Variants in PKD1 observed in about 807,000 individuals in gnomAD.
PKD1 encodes the protein polycystin 1, transient receptor potential channel interacting.
PKD1 carries 81 observed loss-of-function variants against 361.7 expected under a neutral mutation model. That is an observed-to-expected ratio of 0.22 (90% CI 0.19 to 0.27). The LOEUF (loss-of-function observed/expected upper bound fraction) is 0.27, where lower values mean the gene tolerates loss of function less well. PKD1 is among the 10% of genes least tolerant of loss of function. PKD1 has a pLI of 1.00. For missense variants in PKD1, 6,399 were observed against 6,118.3 expected, an observed-to-expected ratio of 1.05 and a Z score of -1.53; for synonymous variants, 3,615 against 2,818.3, an observed-to-expected ratio of 1.28 and a Z score of -8.95.
chr16:2,128,838 G>A (rs1268738173), intron 1 of PKD1, among the ~76,000 whole-genome samples: 1 of 152,076 alleles, frequency 6.6e-6, no homozygotes, highest in Non-Finnish European at 1.5e-5. Context: ...CAAAGTAGCT[G>A]AGACTACAGG....
chr16:2,119,233 T>C, intron 2 of PKD1, 48 bp from the exon 3 acceptor site: 2 of 1,446,666 alleles, frequency 1.4e-6, no homozygotes, highest in Non-Finnish European at 1.9e-6. Context: ...CCCCCACAGC[T>C]GAGCAGCAAG....
rs778176818 is a variant in PKD1 at position 2,100,612 on chromosome 16, C to A, written c.9398-46G>T. 1.3e-6 allele frequency: 2 copies of A among 1,526,264 alleles called. No homozygotes were observed. The highest frequency in any genetic ancestry group is 2.3e-5 in the East Asian group (1 of 44,388). The allele number at this position is 1,526,264 out of a possible 1,614,324, so 94.5% of individuals were successfully genotyped here. A position where few individuals can be genotyped will look rare whatever the true frequency, so the allele number is the denominator to read the frequency against. On this transcript the variant is annotated intron_variant, in intron 26 of 45. Coordinates refer to ENST00000262304, the MANE Select transcript of PKD1 (RefSeq NM_001009944.3). The surrounding 1 kb of genome is among the most constrained non-coding windows in gnomAD (Gnocchi z 4.4). Reference sequence around the variant, plus strand: ...GTGGGAGGCTCGGTCTGCTGCCCAACACGTGTGGCATCCCAGGCAAGTCAT... The same window carrying A: ...GTGGGAGGCTCGGTCTGCTGCCCAAAACGTGTGGCATCCCAGGCAAGTCAT...
chr16:2,115,241 C>T (rs896763581), intron 10 of PKD1, 137 bp downstream of exon 10: 24 of 1,074,142 alleles, frequency 2.2e-5, no homozygotes, highest in African/African-American at 1.4e-4. Flanking sequence ...CTGCAGAGGT[C>T]GGAGGTCAGA....
chr16:2,115,651 C>T, intron 9 of PKD1, 26 bp from the exon 10 acceptor site: 2 of 1,592,424 alleles, frequency 1.3e-6, no homozygotes, highest in South Asian at 1.1e-5. Flanking sequence ...GGTGTTGGGG[C>T]CCTGATTTGC....
chr16:2,132,490 G>A (rs1479747403), intron 1 of PKD1, among the ~76,000 whole-genome samples: 1 of 145,794 alleles, frequency 6.9e-6, no homozygotes, highest in Non-Finnish European at 1.5e-5. Flanking sequence ...CAGGAGAATC[G>A]CTTGAACCAG....
intron 1 of PKD1, among the ~76,000 whole-genome samples, chr16:2,126,657 T>C (rs570425864): frequency 3.9e-4 from 60 of 152,226 alleles, no homozygotes; most frequent in African/African-American, 1.3e-3. Flanking sequence ...GGCAGCAGAG[T>C]GCAGGCCAGG....
rs1163036590 is a variant in PKD1, at chr16:2,110,188, G to A, written c.4979C>T (p.Thr1660Ile). ...GGCAGTCCAGCTGTAGGAGACGTTG[G>A]TGCCATCCCTAACCACGGCCTGCAG... The part of the protein sequence containing the change: ...VQLQAVVRDG[T>I]NVSYSWTAWR... Residue 1660 changes from threonine to isoleucine, a missense_variant, in exon 15 of 46, where the codon ACC becomes ATC. Transcript: ENST00000262304. 4.3e-6 allele frequency: 7 copies of A among 1,611,328 alleles called. No homozygotes were observed. The Admixed American group carries it at 8.3e-5, about 19-fold the overall frequency.
chr16:2,106,147 C>T lies in PKD1; in HGVS notation c.7647G>A (p.Val2549=). 1 of 1,607,026 alleles carries T rather than the reference C, an allele frequency of 6.2e-7. No individual in the cohort carries two copies. Among genetic ancestry groups the T allele is most frequent in the Non-Finnish European group, 8.5e-7 (1 of 1,178,010 alleles). The change falls in exon 19 of 46, where the codon GTG becomes GTA. Residue 2549 remains valine, a synonymous_variant. Transcript: ENST00000262304. The surrounding 1 kb of genome is among the most constrained non-coding windows in gnomAD (Gnocchi z 6.5). The stretch of plus-strand genomic sequence containing the variant: ...GGTCCTGCACCACCACGGCCAGGCC[C>T]ACCTCGAAGTGTGGCCTGAAACCCG... The part of the protein sequence containing the change: ...LPPGFRPHFE[V]GLAVVVQDQL...
Position 2,114,944 on chromosome 16 carries a change from G to A in PKD1, c.2098-19C>T. 1 of 1,527,820 alleles carries A rather than the reference G, an allele frequency of 6.5e-7. No homozygotes were observed. Among genetic ancestry groups the A allele is most frequent in the East Asian group, 2.4e-5 (1 of 41,118 alleles). 94.6% of individuals were successfully genotyped at this position (1,527,820 alleles called of 1,614,324 possible). ...GGGTGACCTGTGGAGAGGGAGGCAG[G>A]GCTGCATCACGTCCTCACGGTCATG... On this transcript the variant is annotated intron_variant, in intron 10 of 45. Coordinates refer to ENST00000262304, the MANE Select transcript of PKD1 (RefSeq NM_001009944.3).
chr16:2,106,375 C>T lies in PKD1; in HGVS notation c.7489+23G>A. Reference sequence around the variant, plus strand: ...ACAGAGTCGGGGGATCCCGCTGCTCCCCCCACGCAGGCCTGCACTCACCCG... The same window carrying T: ...ACAGAGTCGGGGGATCCCGCTGCTCTCCCCACGCAGGCCTGCACTCACCCG... On this transcript the variant is annotated intron_variant, in intron 18 of 45. Coordinates refer to ENST00000262304, the MANE Select transcript of PKD1 (RefSeq NM_001009944.3). The surrounding 1 kb of genome is among the most constrained non-coding windows in gnomAD (Gnocchi z 6.5). 1.9e-6 allele frequency: 3 copies of T among 1,594,872 alleles called. No homozygotes were observed. Among genetic ancestry groups the T allele is most frequent in the Non-Finnish European group, 2.6e-6 (3 of 1,172,234 alleles).
intron 34 of PKD1, among the ~76,000 whole-genome samples, chr16:2,096,321 A>C (rs2091844660): frequency 6.6e-6 from 1 of 152,268 alleles, no homozygotes; most frequent in Non-Finnish European, 1.5e-5. Flanking sequence ...GCTGCAGTGC[A>C]ACGGCAGGGC....
chr16:2,097,046 GCACCC>G (rs1226441875), intron 34 of PKD1, 97 bp downstream of exon 34: 2 of 754,820 alleles, frequency 2.6e-6, no homozygotes, highest in East Asian at 2.7e-5. Context: ...CCCTGCCCTG[GCACCC>G]CACCCCACCC....
Position 2,102,861 on chromosome 16 carries a change from T to G in PKD1, c.8901A>C (p.Ser2967=), listed in dbSNP as rs1063400. ...CSASRRIRPE[S]LQGADHRPYT... ...AGGGCCGGTGGTCAGCACCCTGGAG[T>G]GACTCTGGGCGGATCCTCCTGCTAG... Residue 2967 remains serine (S), a synonymous_variant, in exon 24 of 46, where the codon TCA becomes TCC. Coordinates refer to ENST00000262304, the MANE Select transcript of PKD1 (RefSeq NM_001009944.3). The G allele has an allele frequency of 1.0e-5, 16 of 1,548,274 alleles. No individual in the cohort carries two copies. The East Asian group carries it at 1.6e-4, about 16-fold the overall frequency.
chr16:2,120,617 G>A (rs1182758291), intron 1 of PKD1, among the ~76,000 whole-genome samples: 1 of 152,188 alleles, frequency 6.6e-6, no homozygotes, highest in Non-Finnish European at 1.5e-5. Flanking sequence ...AGGAAGGATC[G>A]CTTGAGCCAG....
chr16:2,112,959 G>A lies in PKD1; in HGVS notation c.2990C>T (p.Thr997Met), dbSNP rs1329454021. ...GACGTTGCTCACGTGGTTGGAGGCC[G>A]TCAGCTGCAGGGACAGGCGTCAGTG... The part of the protein sequence containing the change: ...QSAAVFKLSL[T>M]ASNHVSNVTV... Residue 997 changes from threonine (T) to methionine (M), a missense_variant, in exon 13 of 46, where the codon ACG becomes ATG. Transcript: ENST00000262304. The A allele has an allele frequency of 5.6e-6, 9 of 1,599,034 alleles. No individual in the cohort carries two copies. Among genetic ancestry groups the A allele is most frequent in the South Asian group, 2.2e-5 (2 of 90,990 alleles).
chr16:2,102,991 C>G, intron 23 of PKD1, 21 bp from the exon 24 acceptor site: 1 of 1,599,844 alleles, frequency 6.3e-7, no homozygotes, highest in Non-Finnish European at 8.5e-7. Flanking sequence ...ACGCGCAGGT[C>G]ACACGCCTGC....
chr16:2,089,873 C>T lies in PKD1; in HGVS notation c.12766G>A (p.Ala4256Thr), dbSNP rs376769777. 1.7e-5 allele frequency: 27 copies of T among 1,609,326 alleles called. No individual in the cohort carries two copies. In the African/African-American group the frequency reaches 2.0e-4, roughly 12 times the overall value. ...LQGRRSSRAP[A>T]GSSRGPSPGL... ...GGGGATGGGCCACGGGAAGATCCGG[C>T]GGGCGCCCGGCTGCTCCTGCGGCCT... The change falls in exon 46 of 46, where the codon GCC becomes ACC. Residue 4256 changes from alanine to threonine, a missense_variant. Coordinates refer to ENST00000262304, the MANE Select transcript of PKD1 (RefSeq NM_001009944.3).
In PKD1 at chr16:2,089,760, C is replaced by G; in HGVS notation, c.12879G>C (p.Arg4293=). 6.3e-7 allele frequency: 1 copy of G among 1,593,040 alleles called. No homozygotes were observed. The highest frequency in any genetic ancestry group is 8.5e-7 in the Non-Finnish European group (1 of 1,171,552). Residue 4293 remains arginine (R), a synonymous_variant, in exon 46 of 46, where the codon CGG becomes CGC. Coordinates refer to ENST00000262304, the MANE Select transcript of PKD1 (RefSeq NM_001009944.3). The part of the protein sequence containing the change: ...LATGPSRTPL[R]AKNKVHPSST ...TGCTGGGGTGGACCTTGTTCTTGGC[C>G]CGAAGGGGTGTCCTGCTGGGGCCAG...
Position 2,117,422 on chromosome 16 carries a change from G to A in PKD1, c.1385+67C>T, listed in dbSNP as rs2432396. ...TCCTTCCTCCTGAGACTCCCCAGCC[G>A]CAGGCTCTGCCCCAGTGCTTCAGAG... On this transcript the variant is annotated intron_variant, in intron 6 of 45. Coordinates refer to ENST00000262304, the MANE Select transcript of PKD1 (RefSeq NM_001009944.3). The A allele has an allele frequency of 1.7e-3, 2,075 of 1,227,414 alleles. 2 individuals carry two copies. The highest frequency in any genetic ancestry group is 2.0e-3 in the Non-Finnish European group (1,733 of 879,282). The allele number at this position is 1,227,414 out of a possible 1,614,324, so 76.0% of individuals were successfully genotyped here. A position where few individuals can be genotyped will look rare whatever the true frequency, so the allele number is the denominator to read the frequency against.
Sources: gnomAD v4.1 joint callset for allele counts (sites outside exome capture counted in the v4.1 genomes callset) on GRCh38, gnomAD v4.1.1 for gene constraint, Gnocchi (gnomAD v3.1) non-coding constraint, MANE v1.5 for transcripts, NCBI Gene and HGNC (gene_info 2026-07-23, HGNC 2026-07-21) for gene names.